The following CLIP1 variants were observed in gnomAD, a reference collection of about 807,000 sequenced individuals.
The protein encoded by CLIP1 is CAP-Gly domain containing linker protein 1.
In CLIP1, 66 loss-of-function variants were observed where a neutral mutation model predicts 161.6. The ratio of observed to expected loss-of-function variants is 0.41; its 90% CI spans 0.33 to 0.50. The LOEUF (loss-of-function observed/expected upper bound fraction) is 0.50, where lower values mean the gene tolerates loss of function less well. Ranked by LOEUF, CLIP1 falls within the 20% of genes least tolerant of loss-of-function variation. The pLI is 0.27. For missense variants in CLIP1, 1,376 were observed against 1,702.0 expected (o/e 0.81, Z 3.37); for synonymous variants, 598 against 626.2 (o/e 0.96, Z 0.67).
chr12:122,414,898 C>T (rs1382667404), intron 1 of CLIP1, among the ~76,000 whole-genome samples: 5 of 151,580 alleles, frequency 3.3e-5, no homozygotes, highest in Non-Finnish European at 7.4e-5. Flanking sequence ...ATTAAAAATG[C>T]TAAAAAAAAA....
intron 20 of CLIP1, among the ~76,000 whole-genome samples, chr12:122,293,165 C>T (rs532839993): frequency 2.0e-5 from 3 of 151,728 alleles, no homozygotes; most frequent in Non-Finnish European, 2.9e-5. Flanking sequence ...GAAAAATGAC[C>T]GAAAGATGTG....
intron 12 of CLIP1, among the ~76,000 whole-genome samples, chr12:122,336,274 T>C (rs1275877126): frequency 6.6e-6 from 1 of 152,182 alleles, no homozygotes; most frequent in East Asian, 1.9e-4. Context: ...TTTAGGGGCC[T>C]CATTCAATAT....
chr12:122,365,375 T>C (rs1472805197), intron 3 of CLIP1: 10 of 915,210 alleles, frequency 1.1e-5, no homozygotes, highest in Admixed American at 6.8e-5. Flanking sequence ...GCTGTTGGCA[T>C]TGTTGTAAAC....
chr12:122,308,436 C>T (rs756774751), intron 20 of CLIP1, among the ~76,000 whole-genome samples: 64 of 152,138 alleles, frequency 4.2e-4, no homozygotes, highest in Non-Finnish European at 2.4e-4. Flanking sequence ...AAAAAGAACC[C>T]CTGCTGGTCA....
intron 17 of CLIP1, among the ~76,000 whole-genome samples, chr12:122,320,085 C>T (rs1951426299): frequency 6.6e-6 from 1 of 150,740 alleles, no homozygotes; most frequent in African/African-American, 2.4e-5. Context: ...CCATCCTGGC[C>T]AACATAGTGA....
chr12:122,307,876 A>G (rs1159292664), intron 20 of CLIP1, among the ~76,000 whole-genome samples: 1 of 152,232 alleles, frequency 6.6e-6, no homozygotes, highest in African/African-American at 2.4e-5. Context: ...TCACATTTTA[A>G]TTCACATACA....
At chr12:122,285,595 TC>T (rs1955817029) in intron 21 of CLIP1, among the ~76,000 whole-genome samples, 1 of 151,314 alleles carries the variant, frequency 6.6e-6, no homozygotes, top group Admixed American at 6.6e-5. Context: ...TGCCTTGGCC[TC>T]CCAAAGTGCT....
intron 20 of CLIP1, among the ~76,000 whole-genome samples, chr12:122,309,356 A>C (rs1259524652): frequency 6.6e-6 from 1 of 152,132 alleles, no homozygotes; most frequent in Non-Finnish European, 1.5e-5. Flanking sequence ...CACTTACACC[A>C]AATCTATATT....
At chr12:122,294,894 A>G (rs1950409668) in intron 20 of CLIP1, among the ~76,000 whole-genome samples, 2 of 152,026 alleles carry the variant, frequency 1.3e-5, no homozygotes. Context: ...CTCTACTAAA[A>G]ATACAAAAAA....
chr12:122,396,848 C>T (rs1955927388), intron 1 of CLIP1: 1 of 151,250 alleles, frequency 6.6e-6, no homozygotes, highest in Admixed American at 6.6e-5. Context: ...CTCATGGCAG[C>T]CTTGACCTCC....
intron 1 of CLIP1, among the ~76,000 whole-genome samples, chr12:122,414,655 G>A (rs962343180): frequency 1.3e-5 from 2 of 151,724 alleles, no homozygotes; most frequent in East Asian, 2.0e-4. Context: ...TAGAAGAGAC[G>A]GGGTTTCACC....
At chr12:122,347,196 G>A (rs558510946) in intron 10 of CLIP1, among the ~76,000 whole-genome samples, 179 bp downstream of exon 10, 15 of 152,272 alleles carry the variant, frequency 9.9e-5, no homozygotes, top group African/African-American at 3.4e-4. Flanking sequence ...GACAAAAGAC[G>A]AGATATAAAA....
At chr12:122,398,424 TA>T (rs375091505) in intron 1 of CLIP1, among the ~76,000 whole-genome samples, 13,191 of 135,806 alleles carry the variant, frequency 0.097, 1,843 homozygotes, top group African/African-American at 0.32. Flanking sequence ...GACTCCACCT[TA>T]AAAAAAAAAA....
In CLIP1 at chr12:122,313,209, G is replaced by A. The variant is rs531309010; in HGVS notation, c.3474-3327C>T. Among the ~76,000 whole-genome samples the A allele has an allele frequency of 1.2e-3, 188 of 152,294 alleles. 1 individual carries two copies. The highest frequency in any genetic ancestry group is 4.4e-3 in the African/African-American group (181 of 41,562). On this transcript the variant is annotated intron_variant, in intron 19 of 25. Transcript: ENST00000620786. ...AAGATGTGATTCCCTCAGGTCTGTT[G>A]GGGCAGAAAAATAGTAGAAAATCCA...
chr12:122,304,511 C>T (rs527423943), intron 20 of CLIP1, among the ~76,000 whole-genome samples: 1 of 152,268 alleles, frequency 6.6e-6, no homozygotes, highest in South Asian at 2.1e-4. Flanking sequence ...CAGGCATGCA[C>T]CACCATGCCC....
chr12:122,358,265 C>A (rs1186434218), intron 5 of CLIP1, among the ~76,000 whole-genome samples: 2 of 151,292 alleles, frequency 1.3e-5, no homozygotes, highest in Non-Finnish European at 2.9e-5. Context: ...GTCATCACCA[C>A]TCCCTAATCT....
chr12:122,410,428 C>T (rs1321116297), intron 1 of CLIP1, among the ~76,000 whole-genome samples: 31 of 150,168 alleles, frequency 2.1e-4, no homozygotes, highest in African/African-American at 7.6e-4. Context: ...TACACACACA[C>T]ACATATATAT....
chr12:122,413,330 C>T (rs1006396649), intron 1 of CLIP1, among the ~76,000 whole-genome samples: 3 of 151,992 alleles, frequency 2.0e-5, no homozygotes, highest in Non-Finnish European at 2.9e-5. Flanking sequence ...TTTTTAGAAT[C>T]GGGGGGAAAA....
Position 122,285,628 on chromosome 12 carries a change from C to T in CLIP1, c.3647+2861G>A, listed in dbSNP as rs535495309. ...TGCTGGGATTACAGGCGTGAGCCAC[C>T]GCACCCGACCTTTTTTTTTTTTTTT... On this transcript the variant is annotated intron_variant, in intron 21 of 25. Transcript: ENST00000620786. Among the ~76,000 whole-genome samples, 300 of 149,480 alleles carry T rather than the reference C, an allele frequency of 2.0e-3. 4 individuals carry two copies. The highest frequency in any genetic ancestry group is 7.0e-3 in the African/African-American group (289 of 41,000).
Sources: gnomAD v4.1 joint callset for allele counts (sites outside exome capture counted in the v4.1 genomes callset) on GRCh38, gnomAD v4.1.1 for gene constraint, MANE v1.5 for transcripts, NCBI Gene and HGNC (gene_info 2026-07-23, HGNC 2026-07-21) for gene names.